HS3ST2: variants seen among roughly 807,000 people sequenced by gnomAD.
HS3ST2 encodes heparan sulfate glucosamine 3-O-sulfotransferase 2.
A neutral mutation model predicts 26.3 loss-of-function variants in HS3ST2; 17 were observed. That is an observed-to-expected ratio of 0.65 (90% confidence interval 0.44 to 0.97). The LOEUF is 0.97. HS3ST2 is among the 50% of genes least tolerant of loss of function. The probability of loss-of-function intolerance (pLI) is 0.00; values close to 1 mark genes in which losing one functional copy is unlikely to be tolerated. For synonymous variants in HS3ST2, 237 were observed against 219.2 expected (o/e 1.08, Z -0.72); for missense variants, 402 against 501.2 (o/e 0.80, Z 1.89).
intron 1 of HS3ST2, among the ~76,000 whole-genome samples, chr16:22,863,853 C>T (rs1052956197): frequency 6.6e-6 from 1 of 152,220 alleles, no homozygotes; most frequent in East Asian, 1.9e-4. Context: ...TCCCTTCATC[C>T]TTTGTGGTTC....
chr16:22,864,895 A>AAAAAAAAAG (rs1901728514), intron 1 of HS3ST2, among the ~76,000 whole-genome samples: 1 of 149,738 alleles, frequency 6.7e-6, no homozygotes, highest in East Asian at 2.0e-4. Context: ...AAAAAAAAAA[A>AAAAAAAAAG]AAAAAAATAG....
chr16:22,915,566 C>T lies in HS3ST2; in HGVS notation c.*4C>T, dbSNP rs749629312. ...GCAGGACTTCAGGTGGGAATAAGCCCACGAAAGGAAAGGGCTCTCAAGGGC... is the reference window on the plus strand; with the variant it reads ...GCAGGACTTCAGGTGGGAATAAGCCTACGAAAGGAAAGGGCTCTCAAGGGC... On this transcript the variant is annotated 3_prime_UTR_variant, in exon 2 of 2. Transcript: ENST00000261374. The T allele has an allele frequency of 1.2e-6, 2 of 1,608,086 alleles. No homozygotes were observed. Among genetic ancestry groups the T allele is most frequent in the Non-Finnish European group, 8.5e-7 (1 of 1,176,970 alleles).
At chr16:22,869,304 G>A (rs1235677048) in intron 1 of HS3ST2, among the ~76,000 whole-genome samples, 2 of 152,182 alleles carry the variant, frequency 1.3e-5, no homozygotes, top group Non-Finnish European at 2.9e-5. Context: ...GCATTAGATA[G>A]CTGTGGGTTC....
intron 1 of HS3ST2, among the ~76,000 whole-genome samples, chr16:22,882,470 A>C (rs936563555): frequency 6.6e-6 from 1 of 152,232 alleles, no homozygotes. Context: ...GCAGTGGCTC[A>C]TGCCTGTAAT....
chr16:22,864,882 CAAAAAAA>C (rs34942780), intron 1 of HS3ST2, among the ~76,000 whole-genome samples: 5 of 57,154 alleles, frequency 8.7e-5, no homozygotes, highest in South Asian at 6.4e-4. Context: ...CCTGTCTCCA[CAAAAAAA>C]AAAAAAAAAA....
chr16:22,871,228 C>T lies in HS3ST2; in HGVS notation c.486-43716C>T, dbSNP rs567885026. 1.1e-3 allele frequency among the ~76,000 whole-genome samples: 173 copies of T among 152,044 alleles called. 1 individual carries two copies. The highest frequency in any genetic ancestry group is 2.1e-3 in the Non-Finnish European group (140 of 67,992). On this transcript the variant is annotated intron_variant, in intron 1 of 1. Transcript: ENST00000261374. ...AAAATTAGCTGGGCGTGATGGTGCA[C>T]GCCTGCAGTCCCAGCTACTTGGGAA...
intron 1 of HS3ST2, among the ~76,000 whole-genome samples, chr16:22,906,014 G>A (rs538674860): frequency 1.4e-4 from 22 of 152,236 alleles, no homozygotes; most frequent in African/African-American, 4.3e-4. Flanking sequence ...GCTAAAGGAA[G>A]GTGCAGTCTG....
intron 1 of HS3ST2, among the ~76,000 whole-genome samples, chr16:22,909,531 C>A (rs2369690): frequency 0.1 from 15,383 of 152,152 alleles, 1,470 homozygotes; most frequent in East Asian, 0.34. Flanking sequence ...ATACACAGTA[C>A]CTTTGCACGT....
At chr16:22,877,082 C>A (rs1272021241) in intron 1 of HS3ST2, among the ~76,000 whole-genome samples, 1 of 152,162 alleles carries the variant, frequency 6.6e-6, no homozygotes, top group East Asian at 1.9e-4. Flanking sequence ...CACTAAAGTA[C>A]TTATCCATGC....
intron 1 of HS3ST2, among the ~76,000 whole-genome samples, chr16:22,866,082 G>C (rs1901745564): frequency 6.6e-6 from 1 of 152,102 alleles, no homozygotes; most frequent in Non-Finnish European, 1.5e-5. Context: ...GTTTAAGGCA[G>C]CATTTAAAGC....
Position 22,814,491 on chromosome 16 carries a change from G to A in HS3ST2, c.-120G>A, listed in dbSNP as rs1361510925. ...CCCCGGAGAAGACGGCGCCCCCAAC[G>A]CCCGACCCGCGTGGCCGTGGCAGCG... On this transcript the variant is annotated 5_prime_UTR_variant, in exon 1 of 2. Coordinates refer to ENST00000261374, the MANE Select transcript of HS3ST2 (RefSeq NM_006043.2). 1.7e-6 allele frequency: 2 copies of A among 1,208,696 alleles called. No homozygotes were observed. The highest frequency in any genetic ancestry group is 1.6e-5 in the African/African-American group (1 of 61,516). 74.9% of individuals were successfully genotyped at this position (1,208,696 alleles called of 1,614,324 possible). A position where few individuals can be genotyped will look rare whatever the true frequency, so the allele number is the denominator to read the frequency against.
rs60729093 is a variant in HS3ST2, at chr16:22,833,294, G to T, written c.485+18199G>T. The T allele has an allele frequency of 8.1e-3, 3,698 of 456,062 alleles. 123 individuals are homozygous for T. Among genetic ancestry groups the T allele is most frequent in the African/African-American group, 0.067 (3,376 of 50,188 alleles). 28.3% of individuals were successfully genotyped at this position (456,062 alleles called of 1,614,324 possible). ...TCCTTAGGTGACTCAGACACTACCTGTGTGGTTGTCGGTGCACACACTTGG... is the reference window on the plus strand; with the variant it reads ...TCCTTAGGTGACTCAGACACTACCTTTGTGGTTGTCGGTGCACACACTTGG... On this transcript the variant is annotated intron_variant, in intron 1 of 1. Transcript: ENST00000261374.
chr16:22,901,338 T>C (rs573583378), intron 1 of HS3ST2, among the ~76,000 whole-genome samples: 1 of 152,302 alleles, frequency 6.6e-6, no homozygotes, highest in East Asian at 1.9e-4. Context: ...CTTAAGACCT[T>C]GCAATTCAAC....
chr16:22,902,940 A>G (rs1902299859), intron 1 of HS3ST2, among the ~76,000 whole-genome samples: 3 of 152,358 alleles, frequency 2.0e-5, no homozygotes, highest in Middle Eastern at 6.8e-3. Flanking sequence ...ATAAAAAGAT[A>G]TGAAAAACAG....
chr16:22,871,482 G>A (rs1167357340), intron 1 of HS3ST2, among the ~76,000 whole-genome samples: 4 of 152,162 alleles, frequency 2.6e-5, no homozygotes, highest in African/African-American at 9.7e-5. Flanking sequence ...TAGGTTAGGT[G>A]CATTAAACAC....
At chr16:22,890,554 T>C (rs1181895002) in intron 1 of HS3ST2, among the ~76,000 whole-genome samples, 2 of 152,326 alleles carry the variant, frequency 1.3e-5, no homozygotes, top group African/African-American at 4.8e-5. Context: ...AAAACACATA[T>C]ATCTTTGTTT....
chr16:22,817,518 G>T (rs1345215016), intron 1 of HS3ST2, among the ~76,000 whole-genome samples: 1 of 152,098 alleles, frequency 6.6e-6, no homozygotes, highest in Admixed American at 6.5e-5. Flanking sequence ...TTTTTATTAT[G>T]ACCAAGTCAT....
intron 1 of HS3ST2, among the ~76,000 whole-genome samples, chr16:22,817,485 T>C (rs1900888368): frequency 6.6e-6 from 1 of 152,240 alleles, no homozygotes; most frequent in Non-Finnish European, 1.5e-5. Context: ...TTTCTGTATG[T>C]AAAGAACATT....
chr16:22,915,072 G>A lies in HS3ST2; in HGVS notation c.614G>A (p.Arg205Gln). ...SRDTKLIVVV[R>Q]NPVTRAISDY... ...GACACCAAGCTGATCGTGGTTGTGC[G>A]GAACCCTGTGACCCGTGCCATCTCT... is the stretch of plus-strand genomic sequence containing the variant. Residue 205 changes from arginine to glutamine, a missense_variant, in exon 2 of 2, where the codon CGG (arginine) becomes CAG (glutamine). Arg to Gln is a conservative substitution (Grantham distance 43, BLOSUM62 1). Transcript: ENST00000261374. 2 of 1,613,868 alleles carry A rather than the reference G, an allele frequency of 1.2e-6. No homozygotes were observed. Among genetic ancestry groups the A allele is most frequent in the Non-Finnish European group, 1.7e-6 (2 of 1,179,958 alleles).
Sources: allele counts gnomAD v4.1 joint callset (sites outside exome capture counted in the v4.1 genomes callset), GRCh38; gene constraint gnomAD v4.1.1; transcripts MANE v1.5; gene names NCBI Gene and HGNC (gene_info 2026-07-23, HGNC 2026-07-21).